JDP2: variants seen among roughly 807,000 people sequenced by gnomAD.
JDP2 encodes Jun dimerization protein 2.
Under a neutral mutation model 17.1 loss-of-function variants are expected in JDP2, and 9 were observed. The observed-to-expected ratio is 0.53, with a 90% CI of 0.32 to 0.92. The LOEUF is 0.92. Among genes scored for constraint, JDP2 ranks in the 40% least tolerant of loss-of-function variants. The probability of loss-of-function intolerance (pLI) is 0.04; values close to 1 mark genes in which losing one functional copy is unlikely to be tolerated. For missense variants in JDP2, 179 were observed against 220.0 expected, an observed-to-expected ratio of 0.81 and a Z score of 1.18; for synonymous variants, 107 against 95.6, an observed-to-expected ratio of 1.12 and a Z score of -0.69.
Position 75,434,085 on chromosome 14 carries a change from G to A in JDP2, c.-23-3813G>A, listed in dbSNP as rs116143949. Among the ~76,000 whole-genome samples, 572 of 152,278 alleles carry A rather than the reference G, an allele frequency of 3.8e-3. 1 individual carries two copies. The highest frequency in any genetic ancestry group is 0.013 in the African/African-American group (540 of 41,550). ...TTGTCATCTTTCCTAAGTCTTCCTT[G>A]AAGTGGGTAAGTTCCTTCTGGCTGT... On this transcript the variant is annotated intron_variant, in intron 1 of 3. Transcript: ENST00000651602.
intron 2 of JDP2, among the ~76,000 whole-genome samples, chr14:75,450,344 C>A (rs1273972403): frequency 6.6e-6 from 1 of 152,234 alleles, no homozygotes; most frequent in Non-Finnish European, 1.5e-5. Context: ...GAGTTCCTGG[C>A]CTGAGGATGC....
chr14:75,467,249 G>A (rs1193106702), intron 3 of JDP2, among the ~76,000 whole-genome samples: 1 of 152,140 alleles, frequency 6.6e-6, no homozygotes, highest in African/African-American at 2.4e-5. Context: ...TGTTCACTCA[G>A]GGTTCTCCAC....
intron 2 of JDP2, 94 bp downstream of exon 2, chr14:75,438,215 C>T: frequency 2.1e-6 from 2 of 965,560 alleles, no homozygotes; most frequent in South Asian, 1.6e-5. Flanking sequence ...GTCTGAGGAC[C>T]AGTATCATCC....
intron 2 of JDP2, among the ~76,000 whole-genome samples, chr14:75,453,530 G>C (rs1028015231): frequency 1.1e-4 from 16 of 152,360 alleles, no homozygotes; most frequent in African/African-American, 3.8e-4. Flanking sequence ...CCTTGCCTGC[G>C]AAGGAAGGCA....
At chr14:75,456,285 G>T (rs555433259) in intron 2 of JDP2, among the ~76,000 whole-genome samples, 45 of 152,326 alleles carry the variant, frequency 3.0e-4, no homozygotes, top group African/African-American at 9.9e-4. Flanking sequence ...CCACATCTCT[G>T]CATGTTTCTC....
At chr14:75,435,193 G>A (rs1287218965) in intron 1 of JDP2, among the ~76,000 whole-genome samples, 7 of 152,230 alleles carry the variant, frequency 4.6e-5, no homozygotes, top group African/African-American at 9.6e-5. Context: ...GCCTCCTAGC[G>A]TGGCAGGCTG....
intron 3 of JDP2, among the ~76,000 whole-genome samples, chr14:75,468,019 G>T (rs1456487074): frequency 6.6e-6 from 1 of 152,140 alleles, no homozygotes; most frequent in Non-Finnish European, 1.5e-5. Flanking sequence ...CCCCTGGAGG[G>T]AGAGGGTTGG....
In JDP2 at chr14:75,473,473, C is replaced by T. The variant is rs913200822; in HGVS notation, c.*3998C>T. The T allele has an allele frequency of 2.0e-5, 3 of 152,222 alleles. No individual in the cohort carries two copies. The highest frequency in any genetic ancestry group is 7.2e-5 in the African/African-American group (3 of 41,448). 9.4% of individuals were successfully genotyped at this position (152,222 alleles called of 1,614,324 possible). ...ATCCTTTGACCTAGCAGTTTTCCTCCTAGTCTTGGGAGGAACTCTAGCACA... is the reference window on the plus strand; with the variant it reads ...ATCCTTTGACCTAGCAGTTTTCCTCTTAGTCTTGGGAGGAACTCTAGCACA... On this transcript the variant is annotated 3_prime_UTR_variant, in exon 4 of 4. Coordinates refer to ENST00000651602, the MANE Select transcript of JDP2 (RefSeq NM_001135048.2).
At chr14:75,453,341 G>A (rs1885955609) in intron 2 of JDP2, among the ~76,000 whole-genome samples, 1 of 152,236 alleles carries the variant, frequency 6.6e-6, no homozygotes, top group African/African-American at 2.4e-5. Context: ...CTGGCTGGCT[G>A]TGTGAGGCCT....
rs1416574884 is a variant in JDP2 at position 75,428,287 on chromosome 14, C to CGGGCG, written c.-24+45_-24+49dup. ...AGGGCGCGCGCTGGGGGCGCCGGGA[C>CGGGCG]GGGCGGGGCGGGGCAGGGCGCGGCG... On this transcript the variant is annotated intron_variant, in intron 1 of 3. Coordinates refer to ENST00000651602, the MANE Select transcript of JDP2 (RefSeq NM_001135048.2). The surrounding 1 kb of genome is among the most constrained non-coding windows in gnomAD (Gnocchi z 5.6). 1.6e-3 allele frequency: 231 copies of CGGGCG among 146,920 alleles called. 3 individuals carry two copies. Among genetic ancestry groups the CGGGCG allele is most frequent in the African/African-American group, 4.6e-3 (189 of 40,978 alleles). 9.1% of individuals were successfully genotyped at this position (146,920 alleles called of 1,614,324 possible).
chr14:75,454,321 C>T (rs1886004551), intron 2 of JDP2, among the ~76,000 whole-genome samples: 2 of 152,242 alleles, frequency 1.3e-5, no homozygotes, highest in Admixed American at 6.5e-5. Flanking sequence ...CGTGCTCAGG[C>T]CCTGCGGCCC....
intron 2 of JDP2, among the ~76,000 whole-genome samples, chr14:75,438,671 C>T (rs2140047691): frequency 6.6e-6 from 1 of 152,342 alleles, no homozygotes; most frequent in Non-Finnish European, 1.5e-5. Context: ...TAGGCATGGC[C>T]TCGGTCAGCC....
intron 2 of JDP2, among the ~76,000 whole-genome samples, chr14:75,458,702 T>A (rs1886221012): frequency 1.3e-5 from 2 of 152,254 alleles, no homozygotes; most frequent in South Asian, 4.1e-4. Context: ...GATTGCTGGA[T>A]TGAATAGTAT....
At chr14:75,461,780 C>T (rs748301754) in intron 3 of JDP2, among the ~76,000 whole-genome samples, 1 of 152,198 alleles carries the variant, frequency 6.6e-6, no homozygotes, top group Non-Finnish European at 1.5e-5. Flanking sequence ...AAGGAGGAGC[C>T]AAATTCCCCT....
At chr14:75,451,094 G>A (rs1885837147) in intron 2 of JDP2, among the ~76,000 whole-genome samples, 1 of 152,228 alleles carries the variant, frequency 6.6e-6, no homozygotes, top group African/African-American at 2.4e-5. Flanking sequence ...TCAACAGGTG[G>A]TAAGACCACA....
chr14:75,443,222 G>A (rs189142770), intron 2 of JDP2, among the ~76,000 whole-genome samples: 147 of 152,282 alleles, frequency 9.7e-4, no homozygotes, highest in Middle Eastern at 3.4e-3. Flanking sequence ...AGACCAAGAC[G>A]TGCATCCATG....
intron 2 of JDP2, among the ~76,000 whole-genome samples, chr14:75,441,071 A>T (rs575631469): frequency 6.6e-6 from 1 of 152,228 alleles, no homozygotes; most frequent in South Asian, 2.1e-4. Context: ...ACATTGTCTG[A>T]TGAGTGCTGA....
At chr14:75,437,256 C>T (rs1885110975) in intron 1 of JDP2, among the ~76,000 whole-genome samples, 1 of 151,678 alleles carries the variant, frequency 6.6e-6, no homozygotes, top group African/African-American at 2.4e-5. Context: ...ATTCCACCTG[C>T]TTTGCCTCAG....
intron 3 of JDP2, among the ~76,000 whole-genome samples, chr14:75,463,488 A>G (rs1170686084): frequency 3.3e-5 from 5 of 151,998 alleles, no homozygotes; most frequent in African/African-American, 9.7e-5. Context: ...GGAAACAAGG[A>G]AAGTGACGTG....
Sources: allele counts gnomAD v4.1 joint callset (sites outside exome capture counted in the v4.1 genomes callset), GRCh38; gene constraint gnomAD v4.1.1; non-coding constraint Gnocchi (gnomAD v3.1); transcripts MANE v1.5; gene names NCBI Gene and HGNC (gene_info 2026-07-23, HGNC 2026-07-21).